The following ZZEF1 variants were observed in gnomAD, a reference collection of about 807,000 sequenced individuals.
ZZEF1 encodes zinc finger ZZ-type and EF-hand domain containing 1.
In ZZEF1, 157 loss-of-function variants were observed where a neutral mutation model predicts 342.8. The ratio of observed to expected loss-of-function variants is 0.46; its 90% CI spans 0.40 to 0.52. ZZEF1 has a LOEUF of 0.52. ZZEF1 is among the 20% of genes least tolerant of loss of function. The probability of loss-of-function intolerance (pLI) is 0.00; values close to 1 mark genes in which losing one functional copy is unlikely to be tolerated. For missense variants in ZZEF1, 3,480 were observed against 3,725.6 expected, an observed-to-expected ratio of 0.93 and a Z score of 1.72; for synonymous variants, 1,505 against 1,429.1, an observed-to-expected ratio of 1.05 and a Z score of -1.20.
At position 4,014,238 on chromosome 17, in the gene ZZEF1, T is replaced by C. The variant is rs2056041690; in HGVS notation, c.8315-50A>G. 1.2e-6 allele frequency: 2 copies of C among 1,611,162 alleles called. No individual in the cohort carries two copies. The highest frequency in any genetic ancestry group is 1.3e-5 in the African/African-American group (1 of 74,882). On this transcript the variant is annotated intron_variant, in intron 50 of 54. Coordinates refer to ENST00000381638, the MANE Select transcript of ZZEF1 (RefSeq NM_015113.4). The surrounding 1 kb of genome is among the most constrained non-coding windows in gnomAD (Gnocchi z 4.4). ...CATCAGGAACTGAAGCAACAGGGAATGGCAGCAGTGGTGTTGGGTTTCAAC... is the reference window on the plus strand; with the variant it reads ...CATCAGGAACTGAAGCAACAGGGAACGGCAGCAGTGGTGTTGGGTTTCAAC...
chr17:4,059,228 TAGTA>T lies in ZZEF1; in HGVS notation c.4942_4945del (p.Tyr1648IlefsTer17). 1.2e-6 allele frequency: 2 copies of T among 1,608,608 alleles called. No individual in the cohort carries two copies. Among genetic ancestry groups the T allele is most frequent in the Non-Finnish European group, 1.7e-6 (2 of 1,179,128 alleles). On this transcript the variant is annotated frameshift_variant, in exon 31 of 55. Coordinates refer to ENST00000381638, the MANE Select transcript of ZZEF1 (RefSeq NM_015113.4). LOFTEE classifies it high-confidence loss of function. ...TTTGACCAAAAACAGAACAAGTTGA[TAGTA>T]AGTGTCTCGAATTTCTTTGTGTAGA...
At chr17:4,028,323 C>A (rs1032487030) in intron 42 of ZZEF1, among the ~76,000 whole-genome samples, 2 of 152,046 alleles carry the variant, frequency 1.3e-5, no homozygotes, top group Non-Finnish European at 2.9e-5. Flanking sequence ...CCAAGGCAGG[C>A]GAATCACCTG....
chr17:4,034,532 C>T (rs2145066509), intron 39 of ZZEF1, among the ~76,000 whole-genome samples: 1 of 152,052 alleles, frequency 6.6e-6, no homozygotes, highest in South Asian at 2.1e-4. Context: ...ACTTGGTTTC[C>T]CCCTCACCTT....
chr17:4,133,599 C>T lies in ZZEF1; in HGVS notation c.354+8943G>A, dbSNP rs920395726. Among the ~76,000 whole-genome samples the T allele has an allele frequency of 5.9e-5, 9 of 152,326 alleles. No individual in the cohort carries two copies. In the East Asian group the frequency reaches 1.2e-3, roughly 20 times the overall value. On this transcript the variant is annotated intron_variant, in intron 1 of 54. Coordinates refer to ENST00000381638, the MANE Select transcript of ZZEF1 (RefSeq NM_015113.4). Reference sequence around the variant, plus strand: ...CAAGGTAGCACTCAAGTCCCACTTCCACCAAAACTTCCACAAATCAAGCAC... The same window carrying T: ...CAAGGTAGCACTCAAGTCCCACTTCTACCAAAACTTCCACAAATCAAGCAC...
rs755127185 is a variant in ZZEF1, at chr17:4,058,073, A to C, written c.5086T>G (p.Phe1696Val). The C allele has an allele frequency of 1.9e-6, 3 of 1,614,182 alleles. No individual in the cohort carries two copies. The highest frequency in any genetic ancestry group is 2.2e-5 in the East Asian group (1 of 44,884). The change falls in exon 32 of 55, where the codon TTC becomes GTC. Residue 1696 changes from phenylalanine to valine, a missense_variant. By Grantham distance (50) the Phe-to-Val change is conservative. Around this residue, in one of 5 missense-constraint regions of ZZEF1, gnomAD observed 1,528 missense variants for 1,624.1 expected, o/e 0.94. Transcript: ENST00000381638. ...TCTGGTAACTGAATATCAACAAAGA[A>C]GGCGAGATCATTGGGTTCCCAGCCC... ...DMGWEPNDLA[F>V]FVDIQLPDLL...
Position 4,140,894 on chromosome 17 carries a change from T to A in ZZEF1, c.354+1648A>T, listed in dbSNP as rs983426499. Among the ~76,000 whole-genome samples the A allele has an allele frequency of 2.0e-5, 3 of 148,010 alleles. No individual in the cohort carries two copies. In the Admixed American group the frequency reaches 2.1e-4, roughly 11 times the overall value. ...TGGGGGGAAAAAAAAAGGAGATCTTTCACTAACTAATATGACTTTTTTTTT... is the reference window on the plus strand; with the variant it reads ...TGGGGGGAAAAAAAAAGGAGATCTTACACTAACTAATATGACTTTTTTTTT... On this transcript the variant is annotated intron_variant, in intron 1 of 54. Coordinates refer to ENST00000381638, the MANE Select transcript of ZZEF1 (RefSeq NM_015113.4).
At chr17:4,096,047 A>G in intron 10 of ZZEF1, 68 bp from the exon 11 acceptor site, 1 of 1,507,464 alleles carries the variant, frequency 6.6e-7, no homozygotes, top group Non-Finnish European at 8.9e-7. Context: ...TGTTTCCAGC[A>G]TGGTTAAATT....
intron 1 of ZZEF1, among the ~76,000 whole-genome samples, chr17:4,136,496 T>C (rs560250053): frequency 8.3e-4 from 126 of 152,164 alleles, no homozygotes; most frequent in African/African-American, 2.8e-3. Flanking sequence ...TGTGGTCAAG[T>C]AGGTTGACCA....
intron 13 of ZZEF1, among the ~76,000 whole-genome samples, chr17:4,088,427 C>T (rs1456625703): frequency 6.6e-6 from 1 of 152,172 alleles, no homozygotes; most frequent in Non-Finnish European, 1.5e-5. Context: ...GAAGATGTGT[C>T]TGTAGGTCTA....
intron 3 of ZZEF1, among the ~76,000 whole-genome samples, chr17:4,115,098 C>A (rs541073433): frequency 6.6e-6 from 1 of 151,938 alleles, no homozygotes; most frequent in Non-Finnish European, 1.5e-5. Context: ...CACAGCTCAC[C>A]GCAGCCTCGA....
At chr17:4,063,284 T>C (rs1285840386) in intron 29 of ZZEF1, among the ~76,000 whole-genome samples, 1 of 152,194 alleles carries the variant, frequency 6.6e-6, no homozygotes, top group Non-Finnish European at 1.5e-5. Flanking sequence ...GAACAAATAA[T>C]TTTGTTGGAA....
At chr17:4,024,197 T>TTTTTTTTTA (rs2056348396) in intron 43 of ZZEF1, among the ~76,000 whole-genome samples, 1 of 140,218 alleles carries the variant, frequency 7.1e-6, no homozygotes, top group Non-Finnish European at 1.5e-5. Context: ...TTTTTTTTTT[T>TTTTTTTTTA]TTTTTTTTTT....
intron 42 of ZZEF1, among the ~76,000 whole-genome samples, chr17:4,031,849 C>A (rs1313023656): frequency 6.6e-6 from 1 of 152,078 alleles, no homozygotes; most frequent in African/African-American, 2.4e-5. Context: ...ATGACACCAG[C>A]AAATGGAGAA....
rs539743977 is a variant in ZZEF1 at position 4,072,636 on chromosome 17, G to A, written c.3806C>T (p.Pro1269Leu). ...CPELELEASW[P>L]THPHRNSKEV... ...CTTACTATTCCGGTGTGGGTGAGTG[G>A]GCCAGCTTGCTTCTAATTCCAACTC... is the stretch of plus-strand genomic sequence containing the variant. Residue 1269 changes from proline to leucine, a missense_variant, in exon 25 of 55, where the codon CCC (proline) becomes CTC (leucine). Physicochemically the swap from Pro to Leu is moderately conservative, Grantham distance 98 (BLOSUM62 -3). Coordinates refer to ENST00000381638, the MANE Select transcript of ZZEF1 (RefSeq NM_015113.4). The A allele has an allele frequency of 2.9e-5, 47 of 1,613,532 alleles. No individual in the cohort carries two copies. The highest frequency in any genetic ancestry group is 3.9e-5 in the Non-Finnish European group (46 of 1,179,746).
rs559065248 is a variant in ZZEF1, at chr17:4,019,524, C to T, written c.7505+145G>A. ...GTAACGTAGCACAGGCCACCTCCCACCTCGCCTTACAAAGGACTAGCAACT... is the reference window on the plus strand; with the variant it reads ...GTAACGTAGCACAGGCCACCTCCCATCTCGCCTTACAAAGGACTAGCAACT... On this transcript the variant is annotated intron_variant, in intron 46 of 54. Transcript: ENST00000381638. 3.2e-3 allele frequency: 2,092 copies of T among 663,414 alleles called. 8 individuals are homozygous for T. Among genetic ancestry groups the T allele is most frequent in the Admixed American group, 6.2e-3 (191 of 30,586 alleles). The allele number at this position is 663,414 out of a possible 1,614,324, so 41.1% of individuals were successfully genotyped here.
intron 1 of ZZEF1, among the ~76,000 whole-genome samples, chr17:4,137,595 G>A (rs1314295914): frequency 4.6e-5 from 7 of 152,140 alleles, no homozygotes; most frequent in Non-Finnish European, 2.9e-5. Flanking sequence ...CTGGGCAACA[G>A]AGACTCTGTC....
rs755215833 is a variant in ZZEF1, at chr17:4,087,546, T to C, written c.2242-12A>G. On this transcript the variant is annotated splice_polypyrimidine_tract_variant and intron_variant, in intron 13 of 54. Transcript: ENST00000381638. ...TCCTTCTGCTGCACCTAAAAAATTA[T>C]AAAGATCAGAATAAATAAAACTGAA... 15 of 1,596,162 alleles carry C rather than the reference T, an allele frequency of 9.4e-6. No homozygotes were observed. The highest frequency in any genetic ancestry group is 6.9e-5 in the South Asian group (6 of 87,164).
chr17:4,048,218 C>T (rs1397401206), intron 37 of ZZEF1, among the ~76,000 whole-genome samples: 3 of 152,150 alleles, frequency 2.0e-5, no homozygotes, highest in Admixed American at 6.5e-5. Flanking sequence ...CTACAGAAGA[C>T]GTTTCATGGA....
At chr17:4,026,365 A>C (rs9916457) in intron 42 of ZZEF1, among the ~76,000 whole-genome samples, 38,911 of 152,034 alleles carry the variant, frequency 0.26, 5,320 homozygotes, top group African/African-American at 0.35. Context: ...AAGAAACATA[A>C]AGAAAATCAT....
Sources: allele counts gnomAD v4.1 joint callset (sites outside exome capture counted in the v4.1 genomes callset), GRCh38; gene constraint gnomAD v4.1.1; regional missense constraint gnomAD v4.1.1; non-coding constraint Gnocchi (gnomAD v3.1); transcripts MANE v1.5; gene names NCBI Gene and HGNC (gene_info 2026-07-23, HGNC 2026-07-21).